Variants in IGF1R observed in about 807,000 individuals in gnomAD.
IGF1R encodes the protein insulin-like growth factor 1 receptor.
A neutral mutation model predicts 144.6 loss-of-function variants in IGF1R; 44 were observed. The ratio of observed to expected loss-of-function variants is 0.30; its 90% CI spans 0.24 to 0.39. The LOEUF (loss-of-function observed/expected upper bound fraction) is 0.39. IGF1R is among the 10% of genes least tolerant of loss of function. IGF1R has a pLI of 1.00. For missense variants in IGF1R, 1,355 were observed against 1,833.7 expected (o/e 0.74, Z 4.77); for synonymous variants, 795 against 722.8 (o/e 1.10, Z -1.60).
intron 1 of IGF1R, among the ~76,000 whole-genome samples, chr15:98,695,665 C>G (rs1015972600): frequency 3.3e-5 from 5 of 152,204 alleles, no homozygotes; most frequent in Non-Finnish European, 7.3e-5. Flanking sequence ...AAATGTGCAG[C>G]TCCACAGGAA....
Position 98,731,070 on chromosome 15 carries a change from G to A in IGF1R, c.640+22963G>A, listed in dbSNP as rs138832418. 1.4e-3 allele frequency among the ~76,000 whole-genome samples: 218 copies of A among 152,244 alleles called. 1 individual carries two copies. The highest frequency in any genetic ancestry group is 5.0e-3 in the African/African-American group (209 of 41,552). Reference sequence around the variant, plus strand: ...ATTAGATGAATTTTGAAAATAACTTGGTCTGTTCTAAAAGGCCCTATGAGA... The same window carrying A: ...ATTAGATGAATTTTGAAAATAACTTAGTCTGTTCTAAAAGGCCCTATGAGA... On this transcript the variant is annotated intron_variant, in intron 2 of 20. Coordinates refer to ENST00000650285, the MANE Select transcript of IGF1R (RefSeq NM_000875.5).
intron 1 of IGF1R, among the ~76,000 whole-genome samples, chr15:98,657,263 C>T (rs779406908): frequency 1.4e-4 from 21 of 152,174 alleles, no homozygotes; most frequent in Non-Finnish European, 2.6e-4. Context: ...AAATTCAAAG[C>T]GTCTTAGTGA....
intron 2 of IGF1R, among the ~76,000 whole-genome samples, chr15:98,829,910 T>C (rs1451184754): frequency 6.6e-6 from 1 of 152,196 alleles, no homozygotes; most frequent in Non-Finnish European, 1.5e-5. Flanking sequence ...ATTATGAAAA[T>C]GAGAGTGTGA....
chr15:98,768,355 G>A (rs1437736676), intron 2 of IGF1R, among the ~76,000 whole-genome samples: 2 of 152,134 alleles, frequency 1.3e-5, no homozygotes, highest in African/African-American at 2.4e-5. Context: ...GGTGGCTTAC[G>A]CCTATAATCC....
intron 1 of IGF1R, among the ~76,000 whole-genome samples, chr15:98,654,110 C>G (rs1237186088): frequency 6.6e-6 from 1 of 152,158 alleles, no homozygotes; most frequent in African/African-American, 2.4e-5. Flanking sequence ...TTTAAAGGTT[C>G]TTTTAAAAAT....
chr15:98,715,365 C>T (rs1295664790), intron 2 of IGF1R, among the ~76,000 whole-genome samples: 1 of 152,090 alleles, frequency 6.6e-6, no homozygotes, highest in South Asian at 2.1e-4. Context: ...ATAGGGATCT[C>T]GTCTAAGAGA....
chr15:98,658,505 AAATAG>A (rs1369717113), intron 1 of IGF1R, among the ~76,000 whole-genome samples: 3 of 152,236 alleles, frequency 2.0e-5, no homozygotes, highest in African/African-American at 4.8e-5. Context: ...AATTGTGAGG[AAATAG>A]AATAGGTTTT....
chr15:98,899,688 G>A (rs2014378671), intron 5 of IGF1R, 67 bp downstream of exon 5: 2 of 1,515,006 alleles, frequency 1.3e-6, no homozygotes, highest in Non-Finnish European at 1.8e-6. Flanking sequence ...ATGAAACTGT[G>A]TTGCTGAGGT....
chr15:98,957,805 T>C lies in IGF1R; in HGVS notation c.*363T>C, dbSNP rs2017068527. The C allele has an allele frequency of 2.9e-6, 1 of 343,836 alleles. No individual in the cohort carries two copies. Among genetic ancestry groups the C allele is most frequent in the Non-Finnish European group, 5.3e-6 (1 of 187,072 alleles). 21.3% of individuals were successfully genotyped at this position (343,836 alleles called of 1,614,324 possible). On this transcript the variant is annotated 3_prime_UTR_variant, in exon 21 of 21. Coordinates refer to ENST00000650285, the MANE Select transcript of IGF1R (RefSeq NM_000875.5). Reference sequence around the variant, plus strand: ...CTCTGCTTCATAACGGAAAAATAATTGCCACAAGTCCAGCTGGGAAGCCCT... The same window carrying C: ...CTCTGCTTCATAACGGAAAAATAATCGCCACAAGTCCAGCTGGGAAGCCCT...
intron 2 of IGF1R, 115 bp downstream of exon 2, chr15:98,708,222 G>T: frequency 1.1e-6 from 1 of 923,682 alleles, no homozygotes; most frequent in Non-Finnish European, 1.7e-6. Context: ...CAGTCGTGTT[G>T]CATTTAGGAC....
rs571174463 is a variant in IGF1R, at chr15:98,683,209, A to G, written c.95-24353A>G. Among the ~76,000 whole-genome samples, 59 of 152,222 alleles carry G rather than the reference A, an allele frequency of 3.9e-4. 3 individuals carry two copies. Among genetic ancestry groups the G allele is most frequent in the African/African-American group, 1.4e-3 (59 of 41,514 alleles). ...AATAGGGTTGATCTCAAGGGTTTTAAGAGAGATCTGACGAGTTTGGGTGTG... is the reference window on the plus strand; with the variant it reads ...AATAGGGTTGATCTCAAGGGTTTTAGGAGAGATCTGACGAGTTTGGGTGTG... On this transcript the variant is annotated intron_variant, in intron 1 of 20. Coordinates refer to ENST00000650285, the MANE Select transcript of IGF1R (RefSeq NM_000875.5).
At chr15:98,737,391 C>A (rs955905688) in intron 2 of IGF1R, among the ~76,000 whole-genome samples, 7 of 152,268 alleles carry the variant, frequency 4.6e-5, no homozygotes, top group African/African-American at 1.7e-4. Context: ...GGATTTGGAA[C>A]CCTTGCGTTT....
At chr15:98,857,407 C>T (rs576270414) in intron 2 of IGF1R, among the ~76,000 whole-genome samples, 62 of 152,244 alleles carry the variant, frequency 4.1e-4, no homozygotes, top group African/African-American at 1.3e-3. Context: ...TCAGTAGAGA[C>T]GGGGTTTTGC....
In IGF1R at chr15:98,901,505, A is replaced by G. The variant is rs922865682; in HGVS notation, c.1247+1884A>G. 2.6e-5 allele frequency among the ~76,000 whole-genome samples: 4 copies of G among 152,348 alleles called. No individual in the cohort carries two copies. In the South Asian group the frequency reaches 8.3e-4, roughly 32 times the overall value. ...GTTTGCTTCAGGTGTTGAGACCGCTAGCAACACCTCAGCTGTTCATTTCTC... is the reference window on the plus strand; with the variant it reads ...GTTTGCTTCAGGTGTTGAGACCGCTGGCAACACCTCAGCTGTTCATTTCTC... On this transcript the variant is annotated intron_variant, in intron 5 of 20. Transcript: ENST00000650285.
At chr15:98,850,062 G>T (rs2011476679) in intron 2 of IGF1R, among the ~76,000 whole-genome samples, 1 of 152,236 alleles carries the variant, frequency 6.6e-6, no homozygotes, top group Non-Finnish European at 1.5e-5. Flanking sequence ...GCACACATGT[G>T]AAATGACAGT....
intron 2 of IGF1R, among the ~76,000 whole-genome samples, chr15:98,738,508 C>G (rs1335205399): frequency 6.6e-6 from 1 of 152,178 alleles, no homozygotes; most frequent in Non-Finnish European, 1.5e-5. Context: ...TGCACCCCAG[C>G]CTGGGCAACA....
intron 2 of IGF1R, among the ~76,000 whole-genome samples, chr15:98,771,223 C>T (rs2055575393): frequency 6.6e-6 from 1 of 152,206 alleles, no homozygotes; most frequent in Non-Finnish European, 1.5e-5. Flanking sequence ...ATGACTAACA[C>T]ATACCCCCTG....
At chr15:98,870,694 G>T (rs183468218) in intron 2 of IGF1R, among the ~76,000 whole-genome samples, 1 of 152,306 alleles carries the variant, frequency 6.6e-6, no homozygotes, top group Non-Finnish European at 1.5e-5. Context: ...AGACACAGCC[G>T]CATCCCAGAA....
chr15:98,911,179 A>G, intron 6 of IGF1R, 136 bp from the exon 7 acceptor site: 1 of 919,722 alleles, frequency 1.1e-6, no homozygotes, highest in Non-Finnish European at 1.7e-6. Flanking sequence ...AAAACGAGAA[A>G]GCCACTGAGG....
Sources: gnomAD v4.1 joint callset for allele counts (sites outside exome capture counted in the v4.1 genomes callset) on GRCh38, gnomAD v4.1.1 for gene constraint, MANE v1.5 for transcripts, NCBI Gene and HGNC (gene_info 2026-07-23, HGNC 2026-07-21) for gene names.